The following TENM4 variants were observed in gnomAD, a reference collection of about 807,000 sequenced individuals.
The protein encoded by TENM4 is teneurin transmembrane protein 4, also known as teneurin-4.
In TENM4, 82 loss-of-function variants were observed where a neutral mutation model predicts 243.3. The observed-to-expected ratio is 0.34, with a 90% CI of 0.28 to 0.40. TENM4 has a LOEUF of 0.40. Ranked by LOEUF, TENM4 falls within the 10% of genes least tolerant of loss-of-function variation. TENM4 has a pLI of 1.00. For synonymous variants in TENM4, 1,412 were observed against 1,456.3 expected (o/e 0.97, Z 0.69); for missense variants, 3,138 against 3,673.3 (o/e 0.85, Z 3.77).
intron 2 of TENM4, among the ~76,000 whole-genome samples, chr11:79,272,444 A>T (rs919559970): frequency 2.6e-5 from 4 of 152,230 alleles, no homozygotes; most frequent in African/African-American, 9.7e-5. Flanking sequence ...GCTACCTAAT[A>T]TAGAAAAAGC....
At chr11:79,222,527 T>C (rs1421463415) in intron 2 of TENM4, among the ~76,000 whole-genome samples, 1 of 152,226 alleles carries the variant, frequency 6.6e-6, no homozygotes, top group African/African-American at 2.4e-5. Flanking sequence ...TACTCAGTAA[T>C]GGGTTTGTTG....
At chr11:79,179,913 A>G (rs948256360) in intron 3 of TENM4, among the ~76,000 whole-genome samples, 7 of 151,748 alleles carry the variant, frequency 4.6e-5, no homozygotes, top group African/African-American at 1.7e-4. Context: ...GTTCCATTTT[A>G]CAGATTAAGA....
At chr11:79,325,120 G>T (rs1856952710) in intron 1 of TENM4, among the ~76,000 whole-genome samples, 1 of 152,224 alleles carries the variant, frequency 6.6e-6, no homozygotes, top group Non-Finnish European at 1.5e-5. Context: ...GAGAGAGAGA[G>T]AGGAAGGATG....
At chr11:79,125,474 C>A (rs11237721) in intron 4 of TENM4, among the ~76,000 whole-genome samples, 4,606 of 152,182 alleles carry the variant, frequency 0.03, 109 homozygotes, top group Non-Finnish European at 0.044. Flanking sequence ...TGACCTGCAA[C>A]AAAAGATGCA....
At chr11:79,165,930 T>C (rs1862901849) in intron 3 of TENM4, among the ~76,000 whole-genome samples, 1 of 152,222 alleles carries the variant, frequency 6.6e-6, no homozygotes, top group Non-Finnish European at 1.5e-5. Flanking sequence ...GTTTGCTTTG[T>C]TGAAGATCAC....
chr11:78,993,617 G>T (rs752165030), intron 6 of TENM4, among the ~76,000 whole-genome samples: 4 of 151,976 alleles, frequency 2.6e-5, no homozygotes, highest in African/African-American at 9.7e-5. Context: ...TCAAATTCAT[G>T]AAACTTTTTA....
intron 6 of TENM4, among the ~76,000 whole-genome samples, chr11:78,976,856 A>G (rs953338510): frequency 1.1e-4 from 17 of 152,228 alleles, no homozygotes; most frequent in African/African-American, 4.1e-4. Context: ...AGATAAGTGA[A>G]GAGAAAGGAA....
At chr11:79,149,268 T>G (rs913399577) in intron 3 of TENM4, among the ~76,000 whole-genome samples, 13 of 152,112 alleles carry the variant, frequency 8.5e-5, no homozygotes, top group African/African-American at 3.1e-4. Flanking sequence ...GCCCCACCAC[T>G]TCTGACTGCA....
At chr11:78,726,955 C>T (rs1378428136) in intron 22 of TENM4, among the ~76,000 whole-genome samples, 1 of 152,142 alleles carries the variant, frequency 6.6e-6, no homozygotes, top group African/African-American at 2.4e-5. Context: ...CAAGTCTTCA[C>T]CACATTATTT....
chr11:78,732,403 G>A lies in TENM4; in HGVS notation c.3051C>T (p.Ala1017=), dbSNP rs768415838. 2 of 1,613,902 alleles carry A rather than the reference G, an allele frequency of 1.2e-6. No individual in the cohort carries two copies. Among genetic ancestry groups the A allele is most frequent in the East Asian group, 4.5e-5 (2 of 44,878 alleles). ...ATGGAGAGACGACTGGGTTGGGGCG[G>A]GCAAAATTGCTCAGGTCACAGCTGG... is the stretch of plus-strand genomic sequence containing the variant. ...EIPSCDLSNF[A]RPNPVVSPSP... The change falls in exon 21 of 34, where the codon GCC becomes GCT. Residue 1017 remains alanine, a synonymous_variant. Transcript: ENST00000278550.
chr11:78,957,871 A>G (rs1857240317), intron 6 of TENM4, among the ~76,000 whole-genome samples: 2 of 152,374 alleles, frequency 1.3e-5, no homozygotes, highest in Non-Finnish European at 2.9e-5. Context: ...GAATTCTCTT[A>G]AAACCAGCTT....
At chr11:78,741,317 AAAAG>A (rs962986787) in intron 19 of TENM4, among the ~76,000 whole-genome samples, 5 of 152,162 alleles carry the variant, frequency 3.3e-5, no homozygotes, top group African/African-American at 1.2e-4. Flanking sequence ...TTTGAAAAAA[AAAAG>A]AAACAAAAAG....
At position 79,401,081 on chromosome 11, in the gene TENM4, G is replaced by C. The variant is rs1045596608; in HGVS notation, c.-321+39428C>G. Among the ~76,000 whole-genome samples the C allele has an allele frequency of 9.2e-5, 14 of 152,334 alleles. No individual in the cohort carries two copies. The South Asian group carries it at 1.7e-3, about 18-fold the overall frequency. ...AATCAGTGGTACAGTAGATTCAAAAGCTTAATAAACAAAGGATCTTGGGGA... is the reference window on the plus strand; with the variant it reads ...AATCAGTGGTACAGTAGATTCAAAACCTTAATAAACAAAGGATCTTGGGGA... On this transcript the variant is annotated intron_variant, in intron 1 of 33. Coordinates refer to ENST00000278550, the MANE Select transcript of TENM4 (RefSeq NM_001098816.3).
rs140450613 is a variant in TENM4, at chr11:78,754,551, G to A, written c.2756+2254C>T. ...CTAATTGGATCCAATAATGGGCCCCGTAAAGAATGACTGAGCAAGTGACAA... is the reference window on the plus strand; with the variant it reads ...CTAATTGGATCCAATAATGGGCCCCATAAAGAATGACTGAGCAAGTGACAA... On this transcript the variant is annotated intron_variant, in intron 19 of 33. Coordinates refer to ENST00000278550, the MANE Select transcript of TENM4 (RefSeq NM_001098816.3). Among the ~76,000 whole-genome samples, 6 of 151,946 alleles carry A rather than the reference G, an allele frequency of 3.9e-5. No individual in the cohort carries two copies. The East Asian group carries it at 9.6e-4, about 24-fold the overall frequency.
At chr11:79,290,161 C>T (rs534286573) in intron 2 of TENM4, among the ~76,000 whole-genome samples, 1 of 152,164 alleles carries the variant, frequency 6.6e-6, no homozygotes, top group South Asian at 2.1e-4. Context: ...CTATTCCTCT[C>T]ATTCTCAGTC....
chr11:78,926,622 A>C (rs1266416221), intron 6 of TENM4, among the ~76,000 whole-genome samples: 2 of 151,448 alleles, frequency 1.3e-5, no homozygotes, highest in Non-Finnish European at 2.9e-5. Flanking sequence ...AACTTTTAAA[A>C]TTTTGTACAC....
At chr11:78,658,958 A>T in intron 33 of TENM4, 142 bp from the exon 34 acceptor site, 2 of 957,430 alleles carry the variant, frequency 2.1e-6, no homozygotes, top group Non-Finnish European at 3.0e-6. Flanking sequence ...GACCACCAGA[A>T]CATCCAGGTG....
chr11:79,063,198 C>T lies in TENM4; in HGVS notation c.493+1540G>A, dbSNP rs76393402. Among the ~76,000 whole-genome samples, 453 of 152,322 alleles carry T rather than the reference C, an allele frequency of 3.0e-3. 2 individuals carry two copies. The highest frequency in any genetic ancestry group is 0.01 in the African/African-American group (428 of 41,572). ...TTTCCCCCACCTGACCCTGACCGTG[C>T]GTGGTCTCCTGCCCATCCCCAATCT... On this transcript the variant is annotated intron_variant, in intron 6 of 33. Transcript: ENST00000278550.
intron 12 of TENM4, among the ~76,000 whole-genome samples, chr11:78,837,181 G>A (rs562251891): frequency 9.2e-5 from 14 of 152,204 alleles, no homozygotes; most frequent in African/African-American, 2.4e-4. Flanking sequence ...GGAGGGACCC[G>A]GTGGGAGACA....
Sources: allele counts gnomAD v4.1 joint callset (sites outside exome capture counted in the v4.1 genomes callset), GRCh38; gene constraint gnomAD v4.1.1; transcripts MANE v1.5; gene names NCBI Gene and HGNC (gene_info 2026-07-23, HGNC 2026-07-21).